Variants in PCGF6 observed in about 807,000 individuals in gnomAD.
PCGF6 encodes the protein polycomb group ring finger 6, also known as polycomb group RING finger protein 6.
A neutral mutation model predicts 45.5 loss-of-function variants in PCGF6; 24 were observed. That is an observed-to-expected ratio of 0.53 (90% CI 0.38 to 0.74). The LOEUF is 0.74. Among genes scored for constraint, PCGF6 ranks in the 30% least tolerant of loss-of-function variants. PCGF6 has a pLI of 0.00. For synonymous variants in PCGF6, 152 were observed against 162.1 expected (o/e 0.94, Z 0.47); for missense variants, 356 against 443.2 (o/e 0.80, Z 1.77).
rs1017694749 is a variant in PCGF6, at chr10:103,333,899, A to C, written c.810+26T>G. On this transcript the variant is annotated intron_variant, in intron 7 of 9. Transcript: ENST00000369847. ...TGTGTGCTACAGAGTCCTCTTGTGAAATGAATGAAAAAAAAAGTAAAATAC... is the reference window on the plus strand; with the variant it reads ...TGTGTGCTACAGAGTCCTCTTGTGACATGAATGAAAAAAAAAGTAAAATAC... 5 of 1,545,788 alleles carry C rather than the reference A, an allele frequency of 3.2e-6. No homozygotes were observed. The Admixed American group carries it at 1.0e-4, about 32-fold the overall frequency.
At position 103,351,127 on chromosome 10, in the gene PCGF6, C is replaced by G. The variant is rs979635453; in HGVS notation, c.-61G>C. 1.5e-6 allele frequency: 2 copies of G among 1,325,966 alleles called. No individual in the cohort carries two copies. The highest frequency in any genetic ancestry group is 2.8e-5 in the East Asian group (1 of 35,700). 82.1% of individuals were successfully genotyped at this position (1,325,966 alleles called of 1,614,324 possible). ...GAGAGCGCGGGAGTTCGGCCGGCCT[C>G]GGACGCCACCACTGCGCAGGCGCGG... On this transcript the variant is annotated 5_prime_UTR_variant, in exon 1 of 10. Coordinates refer to ENST00000369847, the MANE Select transcript of PCGF6 (RefSeq NM_001011663.2).
At chr10:103,307,854 C>T (rs753411425) in intron 9 of PCGF6, among the ~76,000 whole-genome samples, 11 of 152,124 alleles carry the variant, frequency 7.2e-5, no homozygotes, top group South Asian at 4.1e-4. Context: ...TGTTAAGTGA[C>T]GCATAACTGC....
intron 9 of PCGF6, among the ~76,000 whole-genome samples, chr10:103,307,467 AGTTT>A (rs1051436691): frequency 1.4e-4 from 21 of 148,146 alleles, no homozygotes; most frequent in African/African-American, 2.4e-4. Flanking sequence ...AAAGAAAGAA[AGTTT>A]GTTTATTTCA....
chr10:103,335,691 G>C (rs372823840), intron 6 of PCGF6, among the ~76,000 whole-genome samples: 1 of 151,932 alleles, frequency 6.6e-6, no homozygotes, highest in Non-Finnish European at 1.5e-5. Context: ...AAATAGGCTG[G>C]GCGAGGTGGC....
intron 9 of PCGF6, among the ~76,000 whole-genome samples, chr10:103,310,990 C>G (rs2093155296): frequency 6.6e-6 from 1 of 152,138 alleles, no homozygotes; most frequent in African/African-American, 2.4e-5. Context: ...GTATGCACAA[C>G]CATGTCTGCT....
intron 8 of PCGF6, among the ~76,000 whole-genome samples, chr10:103,316,260 T>C (rs528868903): frequency 6.6e-5 from 10 of 152,228 alleles, no homozygotes; most frequent in Non-Finnish European, 1.2e-4. Context: ...CTTAAACCAC[T>C]AAAACTACCT....
chr10:103,339,153 G>A (rs751537134), intron 6 of PCGF6, among the ~76,000 whole-genome samples: 5 of 152,162 alleles, frequency 3.3e-5, no homozygotes, highest in Non-Finnish European at 7.3e-5. Context: ...AGTGGCTCAC[G>A]CCTGTAATCC....
rs369138880 is a variant in PCGF6 at position 103,335,952 on chromosome 10, C to T, written c.783-2000G>A. 1.2e-4 allele frequency among the ~76,000 whole-genome samples: 18 copies of T among 148,742 alleles called. 1 individual carries two copies. In the East Asian group the frequency reaches 2.8e-3, roughly 24 times the overall value. ...ACTACACTCCAGCCCGGTGACAGTG[C>T]GAGACTCCATCTCAAAAAAATAAAG... On this transcript the variant is annotated intron_variant, in intron 6 of 9. Coordinates refer to ENST00000369847, the MANE Select transcript of PCGF6 (RefSeq NM_001011663.2).
Position 103,350,927 on chromosome 10 carries a change from G to A in PCGF6, c.140C>T (p.Pro47Leu), listed in dbSNP as rs1306654715. The A allele has an allele frequency of 2.6e-6, 4 of 1,512,198 alleles. No individual in the cohort carries two copies. The highest frequency in any genetic ancestry group is 5.1e-5 in the East Asian group (2 of 39,132). The allele number at this position is 1,512,198 out of a possible 1,614,324, so 93.7% of individuals were successfully genotyped here. A position where few individuals can be genotyped will look rare whatever the true frequency, so the allele number is the denominator to read the frequency against. ...APAAGEEGPAPLSETGAPGCS... is the reference protein window; with the variant it reads ...APAAGEEGPALLSETGAPGCS... The stretch of plus-strand genomic sequence containing the variant: ...GCCGGGAGCCCCCGTCTCAGACAGA[G>A]GCGCCGGTCCCTCCTCACCCGCTGC... Residue 47 changes from proline (P) to leucine (L), a missense_variant, in exon 1 of 10, where the codon CCT (proline) becomes CTT (leucine). Pro to Leu is a moderately conservative substitution (Grantham distance 98). This residue lies in a region of PCGF6 where 307 missense variants were observed against 350.1 expected (regional missense o/e 0.88). Transcript: ENST00000369847.
rs2093309683 is a variant in PCGF6 at position 103,348,970 on chromosome 10, T to C, written c.390A>G (p.Pro130=). 3.1e-6 allele frequency: 5 copies of C among 1,613,892 alleles called. No individual in the cohort carries two copies. Among genetic ancestry groups the C allele is most frequent in the African/African-American group, 1.3e-5 (1 of 75,036 alleles). The change falls in exon 2 of 10, where the codon CCA becomes CCG. Residue 130 remains proline (P), a synonymous_variant. Coordinates refer to ENST00000369847, the MANE Select transcript of PCGF6 (RefSeq NM_001011663.2). ...CTTTGCAAATGGAACACAAGATGTA[T>C]GGGGTCAGCTCAGAGAGATTAATCA... is the stretch of plus-strand genomic sequence containing the variant. ...ERLINLSELT[P]YILCSICKGY...
chr10:103,303,944 A>G lies in PCGF6; in HGVS notation c.1014T>C (p.Leu338=), dbSNP rs200577684. 1.9e-6 allele frequency: 3 copies of G among 1,613,680 alleles called. No homozygotes were observed. The highest frequency in any genetic ancestry group is 2.5e-6 in the Non-Finnish European group (3 of 1,179,666). The change falls in exon 10 of 10, where the codon CTT becomes CTC. Residue 338 remains leucine, a synonymous_variant. Transcript: ENST00000369847. ...GAGGAGAAACCACAAGACCATAATGAAGGACAAGCAGACCATCCTGAAAAG... is the reference window on the plus strand; with the variant it reads ...GAGGAGAAACCACAAGACCATAATGGAGGACAAGCAGACCATCCTGAAAAG... ...DAAMQDGLLV[L]HYGLVVSPLK... is the part of the protein sequence containing the mutation.
intron 9 of PCGF6, among the ~76,000 whole-genome samples, chr10:103,308,099 C>T (rs1423281665): frequency 6.6e-6 from 1 of 152,052 alleles, no homozygotes; most frequent in African/African-American, 2.4e-5. Context: ...AGAACCTCTA[C>T]TAGGGCAGTG....
intron 8 of PCGF6, among the ~76,000 whole-genome samples, chr10:103,316,761 T>C (rs1391413176): frequency 1.3e-5 from 2 of 152,154 alleles, no homozygotes; most frequent in Non-Finnish European, 2.9e-5. Flanking sequence ...TCAATTCATT[T>C]TGCAAATACC....
chr10:103,314,954 T>TAAAAA lies in PCGF6; in HGVS notation c.910-687_910-683dup, dbSNP rs60182387. Among the ~76,000 whole-genome samples, 44 of 57,180 alleles carry TAAAAA rather than the reference T, an allele frequency of 7.7e-4. 4 individuals carry two copies. The highest frequency in any genetic ancestry group is 2.5e-3 in the African/African-American group (31 of 12,372). The allele number at this position is 57,180 out of a possible 152,430, so 37.5% of individuals were successfully genotyped here. On this transcript the variant is annotated intron_variant, in intron 8 of 9. Transcript: ENST00000369847. ...TGGGCCACAGAGCGAGACTCTGTCA[T>TAAAAA]AAAAAAAAAAAAAAAAAAAAAAAAA...
At chr10:103,335,689 T>C (rs2093254268) in intron 6 of PCGF6, among the ~76,000 whole-genome samples, 2 of 148,310 alleles carry the variant, frequency 1.3e-5, no homozygotes, top group African/African-American at 4.9e-5. Context: ...AAAAATAGGC[T>C]GGGCGAGGTG....
chr10:103,321,358 A>G (rs1184958075), intron 8 of PCGF6, among the ~76,000 whole-genome samples: 7 of 152,154 alleles, frequency 4.6e-5, no homozygotes, highest in Non-Finnish European at 7.3e-5. Flanking sequence ...AGAAACCCAC[A>G]TTTTTAGGTA....
rs1255839490 is a variant in PCGF6, at chr10:103,303,344, T to C, written c.*561A>G. 1 of 152,314 alleles carries C rather than the reference T, an allele frequency of 6.6e-6. No homozygotes were observed. The highest frequency in any genetic ancestry group is 1.9e-4 in the East Asian group (1 of 5,206). The allele number at this position is 152,314 out of a possible 1,614,324, so 9.4% of individuals were successfully genotyped here. A position where few individuals can be genotyped will look rare whatever the true frequency, so the allele number is the denominator to read the frequency against. ...CACACATAATAACAATTCATCCATT[T>C]TGAAATGAGTAACTTCTCCTTTGTA... On this transcript the variant is annotated 3_prime_UTR_variant, in exon 10 of 10. Transcript: ENST00000369847.
Position 103,350,906 on chromosome 10 carries a change from G to A in PCGF6, c.161C>T (p.Pro54Leu). 1.3e-6 allele frequency: 2 copies of A among 1,525,156 alleles called. No homozygotes were observed. Among genetic ancestry groups the A allele is most frequent in the South Asian group, 1.2e-5 (1 of 82,082 alleles). 94.5% of individuals were successfully genotyped at this position (1,525,156 alleles called of 1,614,324 possible). The change falls in exon 1 of 10, where the codon CCC (proline) becomes CTC (leucine). Residue 54 changes from proline to leucine, a missense_variant. Around this residue, in one of 2 missense-constraint regions of PCGF6, gnomAD observed 307 missense variants for 350.1 expected, o/e 0.88. Transcript: ENST00000369847. ...AGGGGGCCGGGAGCCGGAGCAGCCG[G>A]GAGCCCCCGTCTCAGACAGAGGCGC... The part of the protein sequence containing the change: ...GPAPLSETGA[P>L]GCSGSRPPEL...
chr10:103,350,113 G>A (rs1380124229), intron 1 of PCGF6, among the ~76,000 whole-genome samples: 1 of 145,430 alleles, frequency 6.9e-6, no homozygotes, highest in Non-Finnish European at 1.6e-5. Flanking sequence ...CAAAACAAAA[G>A]GATCTTTACT....
Sources: gnomAD v4.1 joint callset for allele counts (sites outside exome capture counted in the v4.1 genomes callset) on GRCh38, gnomAD v4.1.1 for gene constraint, gnomAD v4.1.1 regional missense constraint, MANE v1.5 for transcripts, NCBI Gene and HGNC (gene_info 2026-07-23, HGNC 2026-07-21) for gene names.